Variants in ANKHD1 observed in about 807,000 individuals in gnomAD.
ANKHD1 encodes the protein ankyrin repeat and KH domain containing 1.
ANKHD1 carries 31 observed loss-of-function variants against 230.5 expected under a neutral mutation model. The observed-to-expected ratio is 0.13, with a 90% CI of 0.10 to 0.18. The LOEUF is 0.18. ANKHD1 is among the 10% of genes least tolerant of loss of function. ANKHD1 has a pLI of 1.00. For synonymous variants in ANKHD1, 1,074 were observed against 1,117.6 expected (o/e 0.96, Z 0.78); for missense variants, 2,256 against 3,071.3 (o/e 0.73, Z 6.27).
chr5:140,450,062 G>A lies in ANKHD1; in HGVS notation c.1242+757G>A, dbSNP rs142113102. Among the ~76,000 whole-genome samples, 283 of 152,028 alleles carry A rather than the reference G, an allele frequency of 1.9e-3. 1 individual carries two copies. Among genetic ancestry groups the A allele is most frequent in the African/African-American group, 6.2e-3 (257 of 41,458 alleles). ...TTCTGTAAGCACATATATATCATGCGTATATGCATATCTAAAAGAGAGTGC... is the reference window on the plus strand; with the variant it reads ...TTCTGTAAGCACATATATATCATGCATATATGCATATCTAAAAGAGAGTGC... On this transcript the variant is annotated intron_variant, in intron 7 of 33. Transcript: ENST00000360839.
At chr5:140,525,928 A>G (rs1753590057) in intron 25 of ANKHD1, 68 bp from the exon 26 acceptor site, 1 of 1,485,558 alleles carries the variant, frequency 6.7e-7, no homozygotes, top group African/African-American at 1.4e-5. Context: ...ATTATCAAAT[A>G]TATTCTGTCA....
chr5:140,496,824 G>A lies in ANKHD1; in HGVS notation c.2550G>A (p.Gln850=). ...KVERQLQMKT[Q]QQFTKEYLET... ...AAAGGCAGTTGCAGATGAAAACACA[G>A]CAGCAATTTACCAAAGAATACTTGG... Residue 850 remains glutamine (Q), a synonymous_variant, in exon 15 of 34, where the codon CAG becomes CAA. Coordinates refer to ENST00000360839, the MANE Select transcript of ANKHD1 (RefSeq NM_017747.3). 2.5e-6 allele frequency: 4 copies of A among 1,614,074 alleles called. No homozygotes were observed. The highest frequency in any genetic ancestry group is 3.4e-6 in the Non-Finnish European group (4 of 1,180,032).
chr5:140,406,207 C>T (rs989004620), intron 1 of ANKHD1, among the ~76,000 whole-genome samples: 1 of 149,324 alleles, frequency 6.7e-6, no homozygotes, highest in Non-Finnish European at 1.5e-5. Context: ...CACTGCCCTC[C>T]AGGCAGGGTG....
Position 140,496,510 on chromosome 5 carries a change from A to G in ANKHD1, c.2246-10A>G. 2 of 1,202,304 alleles carry G rather than the reference A, an allele frequency of 1.7e-6. No individual in the cohort carries two copies. The highest frequency in any genetic ancestry group is 2.1e-6 in the Non-Finnish European group (2 of 956,804). 74.5% of individuals were successfully genotyped at this position (1,202,304 alleles called of 1,614,324 possible). On this transcript the variant is annotated splice_polypyrimidine_tract_variant and intron_variant, in intron 14 of 33. Transcript: ENST00000360839. ...CATGGCACTCTTTCAAACATTTTTC[A>G]TGTGCTTAGGTACATCCAAGCAGAA...
At chr5:140,539,291 A>G in intron 33 of ANKHD1, 68 bp from the exon 34 acceptor site, 8 of 1,606,608 alleles carry the variant, frequency 5.0e-6, no homozygotes, top group Non-Finnish European at 5.9e-6. Context: ...CATTGCATTT[A>G]TATATTCATT....
Position 140,507,969 on chromosome 5 carries a change from C to T in ANKHD1, c.3736C>T (p.Arg1246Ter). Reference sequence around the variant, plus strand: ...AGAAGTAGTGAGTTTGCTTCTGGACCGAAAAGCCAATGTTGAACATAGGGC... The same window carrying T: ...AGAAGTAGTGAGTTTGCTTCTGGACTGAAAAGCCAATGTTGAACATAGGGC... The part of the protein sequence containing the change: ...RAEVVSLLLD[R>*]KANVEHRAKT... Residue 1246 changes from arginine to a stop codon, truncating the protein, a stop_gained, in exon 20 of 34, where the codon CGA becomes TGA. Transcript: ENST00000360839. LOFTEE classifies it high-confidence loss of function. This position sits in a 1 kb window ranked among gnomAD's most constrained non-coding sequence, Gnocchi z 4.1. 2 of 1,613,792 alleles carry T rather than the reference C, an allele frequency of 1.2e-6. No homozygotes were observed. Among genetic ancestry groups the T allele is most frequent in the Non-Finnish European group, 1.7e-6 (2 of 1,179,828 alleles).
rs1773760622 is a variant in ANKHD1 at position 140,440,373 on chromosome 5, T to A, written c.765+107T>A. 1.6e-5 allele frequency: 22 copies of A among 1,407,950 alleles called. No homozygotes were observed. In the South Asian group the frequency reaches 3.6e-4, roughly 23 times the overall value. The allele number at this position is 1,407,950 out of a possible 1,614,324, so 87.2% of individuals were successfully genotyped here. A position where few individuals can be genotyped will look rare whatever the true frequency, so the allele number is the denominator to read the frequency against. ...TATAATTAGAGGCCAGAGTCTTCTC[T>A]TCCCCCATCCTCCTTCCCTTTTTGG... On this transcript the variant is annotated intron_variant, in intron 4 of 33. Transcript: ENST00000360839.
intron 17 of ANKHD1, 38 bp from the exon 18 acceptor site, chr5:140,505,686 A>T: frequency 6.4e-7 from 1 of 1,564,222 alleles, no homozygotes; most frequent in Non-Finnish European, 8.6e-7. Context: ...TAAAATAAAA[A>T]ACATAAATTT....
In ANKHD1 at chr5:140,537,395, C is replaced by T; in HGVS notation, c.7034C>T (p.Ser2345Phe). Residue 2345 changes from serine (S) to phenylalanine (F), a missense_variant, in exon 31 of 34, where the codon TCT becomes TTT. Coordinates refer to ENST00000360839, the MANE Select transcript of ANKHD1 (RefSeq NM_017747.3). ...TCATCTTCACCTCTTTCAGCCACTT[C>T]TGCCCCACCAACGTTGGGCCAACCA... Reference protein sequence around the residue: ...PWTSASNSSTSAPPTLGQPKG... With the variant: ...PWTSASNSSTFAPPTLGQPKG... 1 of 1,614,074 alleles carries T rather than the reference C, an allele frequency of 6.2e-7. No individual in the cohort carries two copies. The highest frequency in any genetic ancestry group is 8.5e-7 in the Non-Finnish European group (1 of 1,179,964).
At chr5:140,497,612 ATTCGTATAAGATTATAC>A (rs770647532) in intron 15 of ANKHD1, among the ~76,000 whole-genome samples, 2 of 152,224 alleles carry the variant, frequency 1.3e-5, no homozygotes, top group African/African-American at 4.8e-5. Context: ...TTTTAGAAGT[ATTCGTATAAGATTATAC>A]TTAAAATTTT....
intron 1 of ANKHD1, among the ~76,000 whole-genome samples, chr5:140,419,731 T>C (rs1771718897): frequency 6.6e-6 from 1 of 151,780 alleles, no homozygotes; most frequent in Admixed American, 6.6e-5. Context: ...CTTTTCTTTC[T>C]TTCTCTCTCT....
intron 24 of ANKHD1, among the ~76,000 whole-genome samples, chr5:140,518,454 C>T (rs556753220): frequency 2.4e-3 from 362 of 151,368 alleles, no homozygotes; most frequent in African/African-American, 8.2e-3. Flanking sequence ...CAGCATCATC[C>T]TGATACCAAA....
chr5:140,452,518 G>C (rs1447357071), intron 7 of ANKHD1, among the ~76,000 whole-genome samples: 1 of 152,132 alleles, frequency 6.6e-6, no homozygotes, highest in African/African-American at 2.4e-5. Flanking sequence ...CCTCTGAGAC[G>C]AAGCTTCCAG....
At chr5:140,501,184 C>A (rs983245618) in intron 15 of ANKHD1, among the ~76,000 whole-genome samples, 4 of 151,080 alleles carry the variant, frequency 2.6e-5, no homozygotes, top group Non-Finnish European at 5.9e-5. Flanking sequence ...CAAGCGATTC[C>A]CCTTGCCTCA....
chr5:140,523,853 G>A (rs138915662), intron 24 of ANKHD1, among the ~76,000 whole-genome samples: 192 of 152,168 alleles, frequency 1.3e-3, no homozygotes, highest in African/African-American at 4.5e-3. Context: ...GAGCCACCAC[G>A]CCCAGCTGAT....
intron 2 of ANKHD1, among the ~76,000 whole-genome samples, chr5:140,437,076 GTA>G (rs1184155900): frequency 6.6e-6 from 1 of 152,090 alleles, no homozygotes; most frequent in African/African-American, 2.4e-5. Flanking sequence ...ATAAATACAT[GTA>G]TATGTTTGAA....
At chr5:140,512,064 C>T (rs186146577) in intron 22 of ANKHD1, among the ~76,000 whole-genome samples, 4 of 152,066 alleles carry the variant, frequency 2.6e-5, no homozygotes, top group South Asian at 4.2e-4. Flanking sequence ...GGTAAATCCC[C>T]GTCTCTACTA....
rs983908084 is a variant in ANKHD1, at chr5:140,506,437, A to G, written c.3409-398A>G. On this transcript the variant is annotated intron_variant, in intron 18 of 33. Coordinates refer to ENST00000360839, the MANE Select transcript of ANKHD1 (RefSeq NM_017747.3). This position sits in a 1 kb window ranked among gnomAD's most constrained non-coding sequence, Gnocchi z 4.7. ...TGGCCTCCCAAAGTGCTGGGATTAT[A>G]GGCATGAGCCACCATGCCTGGCCAT... 6.6e-6 allele frequency among the ~76,000 whole-genome samples: 1 copy of G among 152,224 alleles called. No individual in the cohort carries two copies. Among genetic ancestry groups the G allele is most frequent in the Non-Finnish European group, 1.5e-5 (1 of 68,034 alleles).
intron 15 of ANKHD1, among the ~76,000 whole-genome samples, chr5:140,503,650 C>T (rs1752416789): frequency 7.1e-6 from 1 of 141,482 alleles, no homozygotes; most frequent in Non-Finnish European, 1.5e-5. Context: ...TCACTGCAAC[C>T]TCCGCCTCCC....
Sources: allele counts gnomAD v4.1 joint callset (sites outside exome capture counted in the v4.1 genomes callset), GRCh38; gene constraint gnomAD v4.1.1; non-coding constraint Gnocchi (gnomAD v3.1); transcripts MANE v1.5; gene names NCBI Gene and HGNC (gene_info 2026-07-23, HGNC 2026-07-21).